CTNNA2: variants seen among roughly 807,000 people sequenced by gnomAD.
CTNNA2 encodes the protein catenin alpha 2.
A neutral mutation model predicts 101.0 loss-of-function variants in CTNNA2; 42 were observed. The observed-to-expected ratio is 0.42, with a 90% confidence interval of 0.32 to 0.54. The LOEUF (loss-of-function observed/expected upper bound fraction) is 0.54. CTNNA2 is among the 20% of genes least tolerant of loss of function. The pLI, the probability that CTNNA2 is intolerant of heterozygous loss-of-function variation, is 0.14. For synonymous variants in CTNNA2, 450 were observed against 456.4 expected (o/e 0.99, Z 0.18); for missense variants, 871 against 1,223.1 (o/e 0.71, Z 4.29).
chr2:80,254,450 G>A (rs1671989094), intron 7 of CTNNA2, among the ~76,000 whole-genome samples: 1 of 152,164 alleles, frequency 6.6e-6, no homozygotes, highest in Admixed American at 6.6e-5. Context: ...CTGTAAAAGT[G>A]TAGCCAAGGT....
intron 3 of CTNNA2, among the ~76,000 whole-genome samples, chr2:79,853,820 C>T (rs576833727): frequency 6.6e-6 from 1 of 152,150 alleles, no homozygotes; most frequent in Non-Finnish European, 1.5e-5. Flanking sequence ...AGGCATGTGC[C>T]ACCATGCCTG....
Position 80,581,696 on chromosome 2 carries a change from T to C in CTNNA2, c.1894-10T>C. 1 of 1,547,018 alleles carries C rather than the reference T, an allele frequency of 6.5e-7. No individual in the cohort carries two copies. Among genetic ancestry groups the C allele is most frequent in the South Asian group, 1.1e-5 (1 of 89,588 alleles). ...TTTAAGTATGCTGACTTATATCTTT[T>C]TGTCTTTAGACCCCAGAAGAACTAG... On this transcript the variant is annotated splice_polypyrimidine_tract_variant and intron_variant, in intron 13 of 18. Transcript: ENST00000402739.
rs552700006 is a variant in CTNNA2 at position 79,734,812 on chromosome 2, G to GTAAAA, written c.103-9573_103-9569dup. Among the ~76,000 whole-genome samples, 1,120 of 152,206 alleles carry GTAAAA rather than the reference G, an allele frequency of 7.4e-3. 8 individuals carry two copies. The highest frequency in any genetic ancestry group is 0.026 in the African/African-American group (1,070 of 41,566). On this transcript the variant is annotated intron_variant, in intron 2 of 18. Coordinates refer to ENST00000402739, the MANE Select transcript of CTNNA2 (RefSeq NM_001282597.3). ...TTATTATGCAGCTTAAAATCATAAA[G>GTAAAA]TAAAATCAAACCAGTTTCTAAGAGG...
Position 79,837,398 on chromosome 2 carries a change from T to C in CTNNA2, c.299-20615T>C, listed in dbSNP as rs75336657. 4.4e-3 allele frequency among the ~76,000 whole-genome samples: 672 copies of C among 152,342 alleles called. 14 individuals carry two copies. The highest frequency in any genetic ancestry group is 0.039 in the East Asian group (202 of 5,182). ...TGAGGACCTAGATTAAGGATGAGTC[T>C]GCCTTTCCCAGTCCTAACTCAAATG... On this transcript the variant is annotated intron_variant, in intron 3 of 18. Coordinates refer to ENST00000402739, the MANE Select transcript of CTNNA2 (RefSeq NM_001282597.3).
At chr2:79,793,149 A>G (rs558313304) in intron 3 of CTNNA2, among the ~76,000 whole-genome samples, 2 of 152,354 alleles carry the variant, frequency 1.3e-5, no homozygotes, top group South Asian at 4.1e-4. Flanking sequence ...GTGATGAAGG[A>G]AAAAAGAGAA....
chr2:79,212,963 T>G (rs1217460436), intron 2 of CTNNA2, among the ~76,000 whole-genome samples: 1 of 152,142 alleles, frequency 6.6e-6, no homozygotes, highest in Non-Finnish European at 1.5e-5. Flanking sequence ...AATGAGAGGT[T>G]CTAAGAGATG....
At chr2:79,834,417 T>C (rs1353108595) in intron 3 of CTNNA2, among the ~76,000 whole-genome samples, 2 of 152,162 alleles carry the variant, frequency 1.3e-5, no homozygotes, top group East Asian at 3.9e-4. Context: ...TTTTCAATGT[T>C]CTTGATGAAT....
rs186692038 is a variant in CTNNA2 at position 79,668,813 on chromosome 2, G to A, written c.102+17155G>A. On this transcript the variant is annotated intron_variant, in intron 2 of 18. Transcript: ENST00000402739. ...TTTAGAACATAAGACATAGCAGCTT[G>A]GTTGCTATGCTGTTCTCAATTTGTA... is the stretch of plus-strand genomic sequence containing the variant. Among the ~76,000 whole-genome samples the A allele has an allele frequency of 4.9e-3, 740 of 152,268 alleles. 3 individuals carry two copies. The highest frequency in any genetic ancestry group is 6.1e-3 in the Non-Finnish European group (417 of 68,028).
chr2:79,981,782 A>G (rs1017398), intron 7 of CTNNA2, among the ~76,000 whole-genome samples: 35,049 of 152,000 alleles, frequency 0.23, 4,259 homozygotes, highest in South Asian at 0.33. Context: ...TTATGTTCAG[A>G]TTTTTAAGTG....
intron 3 of CTNNA2, among the ~76,000 whole-genome samples, chr2:79,755,075 C>A (rs1672305494): frequency 6.6e-6 from 1 of 151,930 alleles, no homozygotes; most frequent in African/African-American, 2.4e-5. Flanking sequence ...CCTGTAATCC[C>A]AGTGCTTTGG....
chr2:80,524,999 T>C (rs536282121), intron 9 of CTNNA2, among the ~76,000 whole-genome samples: 3 of 152,276 alleles, frequency 2.0e-5, no homozygotes, highest in Admixed American at 6.5e-5. Flanking sequence ...GAGTAAGTTC[T>C]TTAGTAGTGA....
intron 18 of CTNNA2, among the ~76,000 whole-genome samples, chr2:80,644,170 T>G (rs1415738793): frequency 2.0e-5 from 3 of 152,148 alleles, no homozygotes; most frequent in African/African-American, 7.2e-5. Context: ...TGCCAATGAC[T>G]GCAGGGACAA....
At chr2:79,256,986 C>T (rs149692200) in intron 2 of CTNNA2, among the ~76,000 whole-genome samples, 5 of 152,090 alleles carry the variant, frequency 3.3e-5, no homozygotes, top group East Asian at 3.9e-4. Context: ...AAAAGATAAA[C>T]GTATTTACTC....
At chr2:80,638,886 G>C (rs1197021738) in intron 18 of CTNNA2, among the ~76,000 whole-genome samples, 6 of 152,216 alleles carry the variant, frequency 3.9e-5, no homozygotes, top group Non-Finnish European at 8.8e-5. Context: ...CAGCAAGGCT[G>C]TGGAGAATTT....
intron 1 of CTNNA2, among the ~76,000 whole-genome samples, chr2:79,586,598 C>T (rs542715693): frequency 2.0e-5 from 3 of 151,112 alleles, no homozygotes; most frequent in African/African-American, 4.9e-5. Context: ...TTAAACCATT[C>T]ACATCATGCT....
intron 14 of CTNNA2, among the ~76,000 whole-genome samples, chr2:80,584,669 C>T (rs556914741): frequency 1.3e-5 from 2 of 152,068 alleles, no homozygotes; most frequent in South Asian, 4.1e-4. Flanking sequence ...CTTAGTGAAG[C>T]TGTGTGACTT....
At chr2:80,547,916 T>C (rs1692228491) in intron 11 of CTNNA2, among the ~76,000 whole-genome samples, 1 of 152,102 alleles carries the variant, frequency 6.6e-6, no homozygotes, top group Non-Finnish European at 1.5e-5. Flanking sequence ...GGTCTCAAAC[T>C]CCGGACCTCA....
At chr2:80,515,163 T>C (rs899584161) in intron 9 of CTNNA2, among the ~76,000 whole-genome samples, 7 of 152,032 alleles carry the variant, frequency 4.6e-5, no homozygotes, top group East Asian at 1.9e-4. Context: ...TTTTTTTTTT[T>C]TTCCCCCTTG....
At chr2:80,123,495 G>C (rs1445272379) in intron 7 of CTNNA2, among the ~76,000 whole-genome samples, 1 of 151,902 alleles carries the variant, frequency 6.6e-6, no homozygotes, top group Non-Finnish European at 1.5e-5. Flanking sequence ...AAGGCCTGGA[G>C]ACATTAATAA....
Sources: allele counts gnomAD v4.1 joint callset (sites outside exome capture counted in the v4.1 genomes callset), GRCh38; gene constraint gnomAD v4.1.1; transcripts MANE v1.5; gene names NCBI Gene and HGNC (gene_info 2026-07-23, HGNC 2026-07-21).